The following PELP1 variants were observed in gnomAD, a reference collection of about 807,000 sequenced individuals.
The protein encoded by PELP1 is proline-, glutamic acid- and leucine-rich protein 1.
Under a neutral mutation model 95.5 loss-of-function variants are expected in PELP1, and 32 were observed. That is an observed-to-expected ratio of 0.34 (90% CI 0.25 to 0.45). The LOEUF is 0.45. Among genes scored for constraint, PELP1 ranks in the 20% least tolerant of loss-of-function variants. PELP1 has a pLI of 1.00. For synonymous variants in PELP1, 668 were observed against 600.1 expected, an observed-to-expected ratio of 1.11 and a Z score of -1.65; for missense variants, 1,358 against 1,444.8, an observed-to-expected ratio of 0.94 and a Z score of 0.97.
At chr17:4,700,992 T>TAAAAA (rs34278447) in intron 1 of PELP1, among the ~76,000 whole-genome samples, 22 of 29,426 alleles carry the variant, frequency 7.5e-4, no homozygotes, top group South Asian at 1.9e-3. Flanking sequence ...AAAGTTCCAC[T>TAAAAA]AAAAAAAAAA....
chr17:4,672,966 G>A lies in PELP1; in HGVS notation c.2025C>T (p.Gly675=). ...GCATGGGGCCTGCTGAGGGCATGGA[G>A]CCCACTGAGGGCATGGGGCCCGGAG... ...FHPPGPMPSV[G]SMPSAGPMPS... Residue 675 remains glycine (G), a synonymous_variant, in exon 16 of 17, where the codon GGC becomes GGT. Transcript: ENST00000572293. 6.3e-7 allele frequency: 1 copy of A among 1,592,208 alleles called. No homozygotes were observed. Among genetic ancestry groups the A allele is most frequent in the Non-Finnish European group, 8.6e-7 (1 of 1,168,526 alleles).
chr17:4,676,757 T>C lies in PELP1; in HGVS notation c.698A>G (p.Gln233Arg), dbSNP rs748778275. The change falls in exon 6 of 17, where the codon CAA (glutamine) becomes CGA (arginine). Residue 233 changes from glutamine (Q) to arginine (R), a missense_variant. By Grantham distance (43) the Gln-to-Arg change is conservative. Coordinates refer to ENST00000572293, the MANE Select transcript of PELP1 (RefSeq NM_014389.3). Reference sequence around the variant, plus strand: ...CTCTCCCTCCCTGCCCTTTACCTGTTGGAGCTGAGGGCTCAAGGCATCCAC... The same window carrying C: ...CTCTCCCTCCCTGCCCTTTACCTGTCGGAGCTGAGGGCTCAAGGCATCCAC... ...SRVDALSPQL[Q>R]QLACECYSRL... 1.0e-5 allele frequency: 16 copies of C among 1,568,636 alleles called. No homozygotes were observed. In the African/African-American group the frequency reaches 2.2e-4, roughly 21 times the overall value.
At chr17:4,674,752 G>A in intron 12 of PELP1, 57 bp downstream of exon 12, 4 of 1,586,056 alleles carry the variant, frequency 2.5e-6, no homozygotes, top group Non-Finnish European at 3.4e-6. Context: ...TCCTGAGCAG[G>A]CACACTTGGT....
At position 4,672,249 on chromosome 17, in the gene PELP1, TTCC is replaced by T. The variant is rs746869378; in HGVS notation, c.2739_2741del (p.Glu915del). On this transcript the variant is annotated inframe_deletion, in exon 16 of 17. Transcript: ENST00000572293. ...CTTCAAAATATTCCTCTTCATCCTC[TTCC>T]TCTTCCTCAAAGTCTTCCTCCTCTT... 6.4e-7 allele frequency: 1 copy of T among 1,552,108 alleles called. No individual in the cohort carries two copies.
Position 4,672,579 on chromosome 17 carries a change from T to C in PELP1, c.2412A>G (p.Ser804=). The C allele has an allele frequency of 1.4e-6, 1 of 735,912 alleles. No individual in the cohort carries two copies. The highest frequency in any genetic ancestry group is 3.8e-5 in the Admixed American group (1 of 26,250). 45.6% of individuals were successfully genotyped at this position (735,912 alleles called of 1,614,324 possible). The change falls in exon 16 of 17, where the codon TCA becomes TCG. Residue 804 remains serine, a synonymous_variant. Coordinates refer to ENST00000572293, the MANE Select transcript of PELP1 (RefSeq NM_014389.3). ...GGGCTATAGGGGGTGGTGTGGCACC[T>C]GAGGGTGGTGGGGGTGGCAGGGGGG... The part of the protein sequence containing the change: ...GLPPLPPPPP[S]GATPPPIAPT...
intron 5 of PELP1, among the ~76,000 whole-genome samples, chr17:4,679,897 C>T (rs1349878670): frequency 2.0e-5 from 3 of 152,152 alleles, no homozygotes; most frequent in African/African-American, 7.2e-5. Context: ...TCAGATACTG[C>T]GAGTAACCAG....
chr17:4,670,247 C>T lies in PELP1; in HGVS notation c.*1192G>A, dbSNP rs570206136. The T allele has an allele frequency of 6.6e-6, 1 of 152,276 alleles. No individual in the cohort carries two copies. The highest frequency in any genetic ancestry group is 2.1e-4 in the South Asian group (1 of 4,824). The allele number at this position is 152,276 out of a possible 1,614,324, so 9.4% of individuals were successfully genotyped here. On this transcript the variant is annotated 3_prime_UTR_variant, in exon 17 of 17. Coordinates refer to ENST00000572293, the MANE Select transcript of PELP1 (RefSeq NM_014389.3). ...TCAGGATACATGTTGGGAGAAATGACTCCCTCTTCTGCATTGCGAAGGCAC... is the reference window on the plus strand; with the variant it reads ...TCAGGATACATGTTGGGAGAAATGATTCCCTCTTCTGCATTGCGAAGGCAC...
Position 4,703,920 on chromosome 17 carries a change from T to A in PELP1, c.192A>T (p.Pro64=). Residue 64 remains proline (P), a synonymous_variant, in exon 1 of 17, where the codon CCA becomes CCT. Coordinates refer to ENST00000572293, the MANE Select transcript of PELP1 (RefSeq NM_014389.3). Reference sequence around the variant, plus strand: ...ATAGGCACATGAGCCCGGGCAAATGTGGGGCCGAGCGGTTTGGGGGATGCA... The same window carrying A: ...ATAGGCACATGAGCCCGGGCAAATGAGGGGCCGAGCGGTTTGGGGGATGCA... ...APVHPPNRSA[P]HLPGLMCLLR... is the part of the protein sequence containing the mutation. 1.2e-6 allele frequency: 2 copies of A among 1,613,434 alleles called. No individual in the cohort carries two copies. Among genetic ancestry groups the A allele is most frequent in the Non-Finnish European group, 1.7e-6 (2 of 1,179,706 alleles).
chr17:4,677,059 A>C (rs376627521), intron 5 of PELP1, among the ~76,000 whole-genome samples: 36 of 152,260 alleles, frequency 2.4e-4, no homozygotes, highest in African/African-American at 8.7e-4. Context: ...CCTGTCCCAG[A>C]GACAGCTGGG....
rs11658808 is a variant in PELP1 at position 4,673,817 on chromosome 17, G to A, written c.1583-143C>T. 521,452 of 714,342 alleles carry A rather than the reference G, an allele frequency of 0.73. 194,641 individuals are homozygous for A. The highest frequency in any genetic ancestry group is 1 in the East Asian group (39,142 of 39,180). The allele number at this position is 714,342 out of a possible 1,614,324, so 44.3% of individuals were successfully genotyped here. A position where few individuals can be genotyped will look rare whatever the true frequency, so the allele number is the denominator to read the frequency against. On this transcript the variant is annotated intron_variant, in intron 13 of 16. Coordinates refer to ENST00000572293, the MANE Select transcript of PELP1 (RefSeq NM_014389.3). The surrounding 1 kb of genome is among the most constrained non-coding windows in gnomAD (Gnocchi z 5.7). The stretch of plus-strand genomic sequence containing the variant: ...ATTTAACTTCTCAACTAGAAAATGG[G>A]GATCATAAAAGTACCTCTACTGTAT...
rs1468949952 is a variant in PELP1, at chr17:4,674,661, G to T, written c.1431C>A (p.Ser477Arg). 8.1e-6 allele frequency: 13 copies of T among 1,596,528 alleles called. No individual in the cohort carries two copies. Among genetic ancestry groups the T allele is most frequent in the Non-Finnish European group, 1.1e-5 (13 of 1,174,972 alleles). Residue 477 changes from serine to arginine, a missense_variant, in exon 13 of 17, where the codon AGC (serine) becomes AGA (arginine). By Grantham distance (110) the Ser-to-Arg change is moderately radical (BLOSUM62 -1). This residue lies in a region of PELP1 where 538 missense variants were observed against 628.1 expected (regional missense o/e 0.86). Coordinates refer to ENST00000572293, the MANE Select transcript of PELP1 (RefSeq NM_014389.3). Reference protein sequence around the residue: ...SPPADALKLRSPRGSPDGSLQ... With the variant: ...SPPADALKLRRPRGSPDGSLQ... The stretch of plus-strand genomic sequence containing the variant: ...AACTCCCATCAGGGCTCCCCCGCGG[G>T]CTACGCAGCTGGAGGCAGAGAAAAC...
chr17:4,684,451 G>A (rs980977116), intron 3 of PELP1, among the ~76,000 whole-genome samples: 8 of 152,182 alleles, frequency 5.3e-5, no homozygotes, highest in African/African-American at 1.7e-4. Flanking sequence ...AACAGCCTTC[G>A]CTTCCCACTC....
intron 3 of PELP1, among the ~76,000 whole-genome samples, chr17:4,685,541 A>T (rs1294977173): frequency 6.6e-6 from 1 of 152,012 alleles, no homozygotes; most frequent in South Asian, 2.1e-4. Flanking sequence ...TGTAATCCCA[A>T]CACTTTGGGA....
chr17:4,689,529 C>T (rs1913018862), intron 3 of PELP1, among the ~76,000 whole-genome samples: 1 of 152,182 alleles, frequency 6.6e-6, no homozygotes, highest in Non-Finnish European at 1.5e-5. Flanking sequence ...ACAGGCAATT[C>T]TCAAAAGAAG....
intron 13 of PELP1, among the ~76,000 whole-genome samples, chr17:4,674,165 T>C (rs1428419615): frequency 1.3e-5 from 2 of 152,192 alleles, no homozygotes; most frequent in African/African-American, 4.8e-5. Context: ...ACCAAGGACG[T>C]GCTGAACGCC....
chr17:4,681,539 T>C (rs545984447), intron 5 of PELP1, among the ~76,000 whole-genome samples: 12 of 151,758 alleles, frequency 7.9e-5, no homozygotes, highest in South Asian at 2.1e-4. Flanking sequence ...CAGTAGCTAA[T>C]GCCTGTAATC....
intron 7 of PELP1, 32 bp from the exon 8 acceptor site, chr17:4,676,194 C>A (rs376168483): frequency 1.2e-6 from 2 of 1,609,158 alleles, no homozygotes; most frequent in African/African-American, 2.7e-5. Context: ...TGTACACTGT[C>A]TTTCTTCCAT....
chr17:4,690,137 C>T (rs1457353125), intron 3 of PELP1, among the ~76,000 whole-genome samples: 2 of 152,056 alleles, frequency 1.3e-5, no homozygotes, highest in Non-Finnish European at 2.9e-5. Context: ...ACCTGGATGG[C>T]GTTGGTGACC....
chr17:4,682,948 TG>T lies in PELP1; in HGVS notation c.424del (p.Gln142ArgfsTer14), dbSNP rs1912746933. On this transcript the variant is annotated frameshift_variant, in exon 4 of 17. Transcript: ENST00000572293. LOFTEE classifies it high-confidence loss of function. ...CAGCTCCATTGTGGCAGGCGGGTCC[TG>T]GGTCTAAAGAAAAAAATAATGTCTC... ...LRSIQQVLQT[Q>X]DPPATMELAV... 1.5e-6 allele frequency: 2 copies of T among 1,378,262 alleles called. No homozygotes were observed. Among genetic ancestry groups the T allele is most frequent in the Admixed American group, 3.7e-5 (1 of 27,196 alleles). The allele number at this position is 1,378,262 out of a possible 1,614,324, so 85.4% of individuals were successfully genotyped here.
Sources: allele counts gnomAD v4.1 joint callset (sites outside exome capture counted in the v4.1 genomes callset), GRCh38; gene constraint gnomAD v4.1.1; regional missense constraint gnomAD v4.1.1; non-coding constraint Gnocchi (gnomAD v3.1); transcripts MANE v1.5; gene names NCBI Gene and HGNC (gene_info 2026-07-23, HGNC 2026-07-21).